The following GOLGA4 variants were observed in gnomAD, a reference collection of about 807,000 sequenced individuals.
The protein encoded by GOLGA4 is golgin subfamily A member 4.
Under a neutral mutation model 265.9 loss-of-function variants are expected in GOLGA4, and 169 were observed. The ratio of observed to expected loss-of-function variants is 0.64; its 90% CI spans 0.56 to 0.72. The LOEUF is 0.72. Among genes scored for constraint, GOLGA4 ranks in the 30% least tolerant of loss-of-function variants. The probability of loss-of-function intolerance (pLI) is 0.00; values close to 1 mark genes in which losing one functional copy is unlikely to be tolerated. For missense variants in GOLGA4, 2,482 were observed against 2,483.4 expected, an observed-to-expected ratio of 1.00 and a Z score of 0.01; for synonymous variants, 923 against 855.8, an observed-to-expected ratio of 1.08 and a Z score of -1.37.
rs1426688146 is a variant in GOLGA4 at position 37,288,552 on chromosome 3, C to T, written c.526-683C>T. On this transcript the variant is annotated intron_variant, in intron 4 of 23. Coordinates refer to ENST00000361924, the MANE Select transcript of GOLGA4 (RefSeq NM_002078.5). ...AGTGCAGTGGTGCGATCTCGGCTCA[C>T]TGCAAGCTCTGCCTCCTGGGTTCAC... Among the ~76,000 whole-genome samples the T allele has an allele frequency of 1.3e-5, 2 of 151,622 alleles. 1 individual carries two copies. The highest frequency in any genetic ancestry group is 2.9e-5 in the Non-Finnish European group (2 of 67,926).
intron 1 of GOLGA4, among the ~76,000 whole-genome samples, chr3:37,249,084 C>T (rs1048514572): frequency 6.6e-6 from 1 of 152,154 alleles, no homozygotes; most frequent in Non-Finnish European, 1.5e-5. Context: ...CAAAAGGCTG[C>T]CCCCATAGTG....
intron 17 of GOLGA4, 28 bp from the exon 18 acceptor site, chr3:37,337,115 C>T (rs2097016274): frequency 7.5e-7 from 1 of 1,326,574 alleles, no homozygotes; most frequent in Non-Finnish European, 1.1e-6. Flanking sequence ...ATTGTATACA[C>T]TCATGTTTTT....
intron 1 of GOLGA4, among the ~76,000 whole-genome samples, chr3:37,245,149 A>G (rs944260271): frequency 7.2e-5 from 11 of 152,254 alleles, no homozygotes; most frequent in South Asian, 2.1e-4. Flanking sequence ...TTATCAGGCA[A>G]TTAGTTATGC....
chr3:37,261,689 G>A (rs541479372), intron 2 of GOLGA4, among the ~76,000 whole-genome samples: 1 of 152,238 alleles, frequency 6.6e-6, no homozygotes, highest in African/African-American at 2.4e-5. Flanking sequence ...CAAGCTGAGA[G>A]CTAATGTGGG....
chr3:37,315,205 T>A (rs987607541), intron 10 of GOLGA4, among the ~76,000 whole-genome samples: 1 of 152,180 alleles, frequency 6.6e-6, no homozygotes. Flanking sequence ...AGTCTTAATA[T>A]CCTAATCCAG....
chr3:37,313,711 A>G (rs2096929269), intron 10 of GOLGA4, among the ~76,000 whole-genome samples: 1 of 152,230 alleles, frequency 6.6e-6, no homozygotes, highest in African/African-American at 2.4e-5. Context: ...TATACAACCC[A>G]CATATATGTA....
intron 20 of GOLGA4, 99 bp downstream of exon 20, chr3:37,340,298 C>A: frequency 2.0e-6 from 1 of 505,374 alleles, no homozygotes; most frequent in Non-Finnish European, 3.5e-6. Flanking sequence ...ATTTTTTTCT[C>A]ATTTTAAAAT....
chr3:37,283,145 G>A (rs1352222968), intron 3 of GOLGA4, among the ~76,000 whole-genome samples: 1 of 152,098 alleles, frequency 6.6e-6, no homozygotes, highest in Non-Finnish European at 1.5e-5. Context: ...TACAATATGA[G>A]TAATTTTATC....
At position 37,321,777 on chromosome 3, in the gene GOLGA4, A is replaced by C; in HGVS notation, c.1592A>C (p.Gln531Pro). 2 of 1,611,986 alleles carry C rather than the reference A, an allele frequency of 1.2e-6. No homozygotes were observed. ...EYLKISQEKE[Q>P]QESLALEELE... Reference sequence around the variant, plus strand: ...TTGAAGATCAGCCAAGAAAAAGAACAGCAAGAATCTTTGGCCCTAGAAGAG... The same window carrying C: ...TTGAAGATCAGCCAAGAAAAAGAACCGCAAGAATCTTTGGCCCTAGAAGAG... Residue 531 changes from glutamine (Q) to proline (P), a missense_variant, in exon 13 of 24, where the codon CAG becomes CCG. By Grantham distance (76) the Gln-to-Pro change is moderately conservative (BLOSUM62 -1). This residue lies in a region of GOLGA4 where 1,536 missense variants were observed against 1,483.7 expected (regional missense o/e 1.04). Transcript: ENST00000361924.
intron 16 of GOLGA4, among the ~76,000 whole-genome samples, chr3:37,330,966 A>T (rs1201929839): frequency 6.7e-6 from 1 of 150,246 alleles, no homozygotes; most frequent in Non-Finnish European, 1.5e-5. Flanking sequence ...GGAAGGTGGA[A>T]GTTGCAGTGA....
chr3:37,266,549 CTG>C lies in GOLGA4; in HGVS notation c.162+15070_162+15071del, dbSNP rs995558386. Reference sequence around the variant, plus strand: ...TTTTTATAACAGAGTGCCAGGCACTCTGTGTGCGGTGGTTCCTATTGCCTATA... The same window carrying C: ...TTTTTATAACAGAGTGCCAGGCACTCTGTGCGGTGGTTCCTATTGCCTATA... On this transcript the variant is annotated intron_variant, in intron 2 of 23. Transcript: ENST00000361924. 1.9e-4 allele frequency among the ~76,000 whole-genome samples: 29 copies of C among 152,246 alleles called. 1 individual carries two copies. Among genetic ancestry groups the C allele is most frequent in the South Asian group, 1.0e-3 (5 of 4,820 alleles).
In GOLGA4 at chr3:37,282,284, A is replaced by C; in HGVS notation, c.477+12A>C. 1 of 1,606,394 alleles carries C rather than the reference A, an allele frequency of 6.2e-7. No homozygotes were observed. ...GAAAATATTCTGAGGTAGGAGCATG[A>C]CCTTTTTGCCTGTACAAAAATTTCT... On this transcript the variant is annotated intron_variant, in intron 3 of 23. Coordinates refer to ENST00000361924, the MANE Select transcript of GOLGA4 (RefSeq NM_002078.5).
intron 2 of GOLGA4, among the ~76,000 whole-genome samples, chr3:37,273,119 C>T (rs2096803374): frequency 6.6e-6 from 1 of 152,078 alleles, no homozygotes; most frequent in Admixed American, 6.6e-5. Flanking sequence ...AGAGCTTAGC[C>T]CAAATAATTT....
chr3:37,332,159 A>G (rs1247646216), intron 16 of GOLGA4, among the ~76,000 whole-genome samples: 1 of 152,174 alleles, frequency 6.6e-6, no homozygotes, highest in East Asian at 1.9e-4. Flanking sequence ...GTGGTTTCCC[A>G]TTGTCACAGT....
At chr3:37,292,020 C>T (rs1388600701) in intron 5 of GOLGA4, among the ~76,000 whole-genome samples, 1 of 152,044 alleles carries the variant, frequency 6.6e-6, no homozygotes, top group Non-Finnish European at 1.5e-5. Context: ...AACATGCTGG[C>T]AGAATAGTGT....
chr3:37,356,638 A>C (rs976174853), intron 22 of GOLGA4, among the ~76,000 whole-genome samples: 2 of 152,156 alleles, frequency 1.3e-5, no homozygotes, highest in Admixed American at 1.3e-4. Context: ...CTAATTCTAC[A>C]AGCATGAAAT....
In GOLGA4 at chr3:37,353,000, A is replaced by C. The variant is rs141785717; in HGVS notation, c.6577-2101A>C. 6.0e-3 allele frequency among the ~76,000 whole-genome samples: 913 copies of C among 152,164 alleles called. 5 individuals carry two copies. The highest frequency in any genetic ancestry group is 8.5e-3 in the Non-Finnish European group (578 of 67,974). ...TACTTGCATACTTACAGACCATTGTAGGGTTATTAATTGGCCTAATTTCAA... is the reference window on the plus strand; with the variant it reads ...TACTTGCATACTTACAGACCATTGTCGGGTTATTAATTGGCCTAATTTCAA... On this transcript the variant is annotated intron_variant, in intron 21 of 23. Transcript: ENST00000361924.
chr3:37,287,377 T>G (rs1056304258), intron 4 of GOLGA4: 3 of 152,194 alleles, frequency 2.0e-5, no homozygotes, highest in Non-Finnish European at 4.4e-5. Context: ...TTTGCTCTCT[T>G]TTCTACATGT....
chr3:37,328,803 T>C (rs1170119042), intron 15 of GOLGA4, among the ~76,000 whole-genome samples, 160 bp from the exon 16 acceptor site: 1 of 152,200 alleles, frequency 6.6e-6, no homozygotes, highest in African/African-American at 2.4e-5. Flanking sequence ...ATACATTTGA[T>C]CACTGTTGAG....
Sources: gnomAD v4.1 joint callset for allele counts (sites outside exome capture counted in the v4.1 genomes callset) on GRCh38, gnomAD v4.1.1 for gene constraint, gnomAD v4.1.1 regional missense constraint, MANE v1.5 for transcripts, NCBI Gene and HGNC (gene_info 2026-07-23, HGNC 2026-07-21) for gene names.